CAMK4: variants seen among roughly 807,000 people sequenced by gnomAD.
CAMK4 encodes calcium/calmodulin-dependent protein kinase type IV.
CAMK4 carries 22 observed loss-of-function variants against 44.9 expected under a neutral mutation model. The ratio of observed to expected loss-of-function variants is 0.49; its 90% CI spans 0.35 to 0.70. The LOEUF is 0.70. CAMK4 is among the 30% of genes least tolerant of loss of function. CAMK4 has a pLI of 0.01. For missense variants in CAMK4, 498 were observed against 586.8 expected (o/e 0.85, Z 1.56); for synonymous variants, 218 against 215.4 (o/e 1.01, Z -0.11).
rs1394257407 is a variant in CAMK4 at position 111,487,757 on chromosome 5, CTAGAG to C, written c.*3294_*3298del. Reference sequence around the variant, plus strand: ...GGCTACCATATTAGACAGCACTAGTCTAGAGTACTTTTTATTTTAAGCAAAGTGAC... The same window carrying C: ...GGCTACCATATTAGACAGCACTAGTCTACTTTTTATTTTAAGCAAAGTGAC... On this transcript the variant is annotated 3_prime_UTR_variant, in exon 11 of 11. Coordinates refer to ENST00000282356, the MANE Select transcript of CAMK4 (RefSeq NM_001744.6). 1 of 152,056 alleles carries C rather than the reference CTAGAG, an allele frequency of 6.6e-6. No homozygotes were observed. The highest frequency in any genetic ancestry group is 1.5e-5 in the Non-Finnish European group (1 of 68,002). 9.4% of individuals were successfully genotyped at this position (152,056 alleles called of 1,614,324 possible).
intron 1 of CAMK4, among the ~76,000 whole-genome samples, chr5:111,231,816 A>G (rs1183943368): frequency 1.3e-5 from 2 of 152,248 alleles, no homozygotes; most frequent in Non-Finnish European, 2.9e-5. Flanking sequence ...AACAAATTGT[A>G]AAAATAAATT....
chr5:111,287,371 G>A (rs1751280770), intron 1 of CAMK4, among the ~76,000 whole-genome samples: 3 of 151,988 alleles, frequency 2.0e-5, no homozygotes, highest in Admixed American at 2.0e-4. Context: ...TATAGTTAGA[G>A]TTTAGAAAAG....
At chr5:111,312,133 T>A (rs1428947682) in intron 1 of CAMK4, among the ~76,000 whole-genome samples, 1 of 152,176 alleles carries the variant, frequency 6.6e-6, no homozygotes, top group Non-Finnish European at 1.5e-5. Flanking sequence ...TATTTCATTG[T>A]GAGGTGATGC....
intron 1 of CAMK4, among the ~76,000 whole-genome samples, chr5:111,243,317 C>G (rs1221849323): frequency 1.3e-5 from 2 of 152,168 alleles, no homozygotes; most frequent in Non-Finnish European, 2.9e-5. Context: ...CCAGGGTGAT[C>G]AGGCATCACC....
intron 1 of CAMK4, among the ~76,000 whole-genome samples, chr5:111,272,732 G>A (rs553069815): frequency 3.3e-5 from 5 of 152,242 alleles, no homozygotes; most frequent in Admixed American, 6.5e-5. Context: ...TCTGAGAATA[G>A]ACGCTTTGAT....
Position 111,224,623 on chromosome 5 carries a change from A to G in CAMK4, c.140A>G (p.Glu47Gly). 1.2e-6 allele frequency: 2 copies of G among 1,610,620 alleles called. No individual in the cohort carries two copies. The highest frequency in any genetic ancestry group is 1.7e-6 in the Non-Finnish European group (2 of 1,179,132). Residue 47 changes from glutamate to glycine, a missense_variant, in exon 1 of 11, where the codon GAG becomes GGG. By Grantham distance (98) the Glu-to-Gly change is moderately conservative. Around this residue, in one of 3 missense-constraint regions of CAMK4, gnomAD observed 152 missense variants for 143.7 expected, o/e 1.06. Transcript: ENST00000282356. The surrounding 1 kb of genome is among the most constrained non-coding windows in gnomAD (Gnocchi z 5.7). Reference protein sequence around the residue: ...SNRDALSDFFEVESELGRGAT... With the variant: ...SNRDALSDFFGVESELGRGAT... ...AGGGATGCGCTGAGCGATTTCTTCG[A>G]GGTGGAGTCGGAGCTGGGACGGTAA...
At chr5:111,303,671 G>A (rs199905154) in intron 1 of CAMK4, among the ~76,000 whole-genome samples, 1 of 145,260 alleles carries the variant, frequency 6.9e-6, no homozygotes, top group Non-Finnish European at 1.5e-5. Flanking sequence ...AAAACACTCG[G>A]CAGGATATTA....
chr5:111,229,390 C>T lies in CAMK4; in HGVS notation c.161+4746C>T, dbSNP rs1056507538. ...TCTTCTTACAAGTGCACTGATCCCA[C>T]GATGAGGGGTTTAGCTGCATAACCT... On this transcript the variant is annotated intron_variant, in intron 1 of 10. Transcript: ENST00000282356. Among the ~76,000 whole-genome samples the T allele has an allele frequency of 5.3e-5, 8 of 152,286 alleles. No homozygotes were observed. The East Asian group carries it at 5.8e-4, about 11-fold the overall frequency.
chr5:111,243,003 A>G (rs1005039315), intron 1 of CAMK4, among the ~76,000 whole-genome samples: 3 of 152,084 alleles, frequency 2.0e-5, no homozygotes, highest in African/African-American at 7.2e-5. Context: ...GTCTGCCTCT[A>G]CACCTGGATT....
intron 7 of CAMK4, among the ~76,000 whole-genome samples, chr5:111,468,068 G>A (rs984769361): frequency 1.3e-5 from 2 of 152,012 alleles, no homozygotes; most frequent in Admixed American, 6.6e-5. Flanking sequence ...AAGTAACTCA[G>A]GAATGGAAAA....
At chr5:111,467,525 C>CA (rs2112477484) in intron 7 of CAMK4, among the ~76,000 whole-genome samples, 1 of 151,978 alleles carries the variant, frequency 6.6e-6, no homozygotes, top group East Asian at 1.9e-4. Context: ...ACAATCCCAT[C>CA]AAAAAGTGGA....
chr5:111,266,728 A>T (rs1046599277), intron 1 of CAMK4, among the ~76,000 whole-genome samples: 3 of 152,232 alleles, frequency 2.0e-5, no homozygotes, highest in African/African-American at 7.2e-5. Flanking sequence ...CATATGGTTT[A>T]TAGATCTCAC....
At chr5:111,273,109 CA>C (rs1402520565) in intron 1 of CAMK4, among the ~76,000 whole-genome samples, 1 of 152,038 alleles carries the variant, frequency 6.6e-6, no homozygotes, top group Non-Finnish European at 1.5e-5. Flanking sequence ...ATTATTGTGT[CA>C]AAAATTATAC....
intron 5 of CAMK4, among the ~76,000 whole-genome samples, chr5:111,415,142 A>C (rs1752771720): frequency 6.6e-6 from 1 of 152,190 alleles, no homozygotes; most frequent in South Asian, 2.1e-4. Flanking sequence ...AAAATTACTA[A>C]ATGAAAAGTT....
chr5:111,457,334 G>T (rs1000325537), intron 7 of CAMK4, among the ~76,000 whole-genome samples: 2 of 152,152 alleles, frequency 1.3e-5, no homozygotes, highest in Admixed American at 1.3e-4. Flanking sequence ...TTTCTAGGGA[G>T]CTTATTGGAA....
intron 5 of CAMK4, among the ~76,000 whole-genome samples, chr5:111,428,781 T>C (rs536843266): frequency 6.6e-5 from 10 of 152,250 alleles, no homozygotes; most frequent in African/African-American, 1.7e-4. Context: ...GAAAGAGATA[T>C]GGGTAGAAAG....
At chr5:111,474,659 T>C (rs1185452798) in intron 8 of CAMK4, among the ~76,000 whole-genome samples, 2 of 152,162 alleles carry the variant, frequency 1.3e-5, no homozygotes, top group African/African-American at 4.8e-5. Context: ...TTAATAGTGA[T>C]CTTAAAAAAT....
chr5:111,289,657 G>A (rs543344861), intron 1 of CAMK4, among the ~76,000 whole-genome samples: 1 of 152,348 alleles, frequency 6.6e-6, no homozygotes, highest in Admixed American at 6.5e-5. Context: ...TTTGTGGGTT[G>A]TGGGTTGACT....
intron 1 of CAMK4, among the ~76,000 whole-genome samples, chr5:111,299,960 C>T (rs1451008702): frequency 6.6e-6 from 1 of 152,008 alleles, no homozygotes; most frequent in African/African-American, 2.4e-5. Flanking sequence ...CATGGGGTCC[C>T]CTCCCTAAGC....
Sources: allele counts gnomAD v4.1 joint callset (sites outside exome capture counted in the v4.1 genomes callset), GRCh38; gene constraint gnomAD v4.1.1; regional missense constraint gnomAD v4.1.1; non-coding constraint Gnocchi (gnomAD v3.1); transcripts MANE v1.5; gene names NCBI Gene and HGNC (gene_info 2026-07-23, HGNC 2026-07-21).